The following USP35 variants were observed in gnomAD, a reference collection of about 807,000 sequenced individuals.
USP35 encodes the protein ubiquitin specific peptidase 35, also known as ubiquitin carboxyl-terminal hydrolase 35.
In USP35, 69 loss-of-function variants were observed where a neutral mutation model predicts 83.8. The ratio of observed to expected loss-of-function variants is 0.82; its 90% CI spans 0.68 to 1.01. The LOEUF (loss-of-function observed/expected upper bound fraction) is 1.01, where lower values mean the gene tolerates loss of function less well. Among genes scored for constraint, USP35 ranks in the 50% least tolerant of loss-of-function variants. The probability of loss-of-function intolerance (pLI) is 0.00; values close to 1 mark genes in which losing one functional copy is unlikely to be tolerated. For synonymous variants in USP35, 714 were observed against 589.5 expected (o/e 1.21, Z -3.06); for missense variants, 1,503 against 1,362.5 (o/e 1.10, Z -1.62).
intron 8 of USP35, 71 bp downstream of exon 8, chr11:78,207,694 C>G: frequency 1.4e-6 from 2 of 1,475,246 alleles, no homozygotes; most frequent in Non-Finnish European, 1.9e-6. Flanking sequence ...ACACCTTTCC[C>G]TTCCCCAGGA....
At position 78,210,698 on chromosome 11, in the gene USP35, A is replaced by T; in HGVS notation, c.2843A>T (p.Lys948Met). ...SRVRTEPTLH[K>M]DLMEAISKDN... ...GTCCGGACAGAGCCCACCCTGCACA[A>T]GGACTTGATGGAAGCCATTTCCAAA... Residue 948 changes from lysine to methionine, a missense_variant, in exon 10 of 11, where the codon AAG becomes ATG. Transcript: ENST00000529308. 6 of 1,589,800 alleles carry T rather than the reference A, an allele frequency of 3.8e-6. No homozygotes were observed. The highest frequency in any genetic ancestry group is 5.1e-6 in the Non-Finnish European group (6 of 1,165,976).
intron 10 of USP35, among the ~76,000 whole-genome samples, chr11:78,212,104 T>C (rs1353592314): frequency 3.9e-5 from 6 of 152,146 alleles, no homozygotes; most frequent in Non-Finnish European, 1.5e-5. Context: ...ATCCATCGAG[T>C]GAATTTTTTG....
the USP35 span, among the ~76,000 whole-genome samples, chr11:78,220,942 G>A: frequency 6.6e-6 from 1 of 152,188 alleles, no homozygotes; most frequent in African/African-American, 2.4e-5. Context: ...CTGTGGCCTA[G>A]AGTGGGGTAG....
chr11:78,231,411 C>CA, the USP35 span, among the ~76,000 whole-genome samples: 1 of 151,514 alleles, frequency 6.6e-6, no homozygotes, highest in African/African-American at 2.4e-5. Context: ...TGCAGTGATG[C>CA]AATCTTGGCT....
rs544463027 is a variant in USP35 at position 78,190,064 on chromosome 11, C to T, written c.-11+907C>T. Among the ~76,000 whole-genome samples, 4 of 152,102 alleles carry T rather than the reference C, an allele frequency of 2.6e-5. No individual in the cohort carries two copies. The East Asian group carries it at 7.8e-4, about 30-fold the overall frequency. On this transcript the variant is annotated intron_variant, in intron 1 of 10. Transcript: ENST00000529308. ...GGAGTCAAAGGAGGGAGGCTGGCTT[C>T]GAGGGTCAGAGAGGGGAGGAAATGT...
chr11:78,200,189 G>T lies in USP35; in HGVS notation c.993G>T (p.Lys331Asn), dbSNP rs369905425. The T allele has an allele frequency of 5.0e-6, 8 of 1,614,106 alleles. No homozygotes were observed. The highest frequency in any genetic ancestry group is 1.7e-5 in the Admixed American group (1 of 60,018). ...GGGGAGCTGCCTTGTCTGTGCTCAA[G>T]TACATGCTCCTGACCTTCCAGCACT... The part of the protein sequence containing the change: ...IVRGAALSVL[K>N]YMLLTFQHSH... Residue 331 changes from lysine (K) to asparagine (N), a missense_variant, in exon 5 of 11, where the codon AAG becomes AAT. Coordinates refer to ENST00000529308, the MANE Select transcript of USP35 (RefSeq NM_020798.4).
the USP35 span, among the ~76,000 whole-genome samples, chr11:78,230,427 C>A: frequency 6.6e-6 from 1 of 152,244 alleles, no homozygotes; most frequent in Non-Finnish European, 1.5e-5. Flanking sequence ...CCACAAGAAG[C>A]CTTTTCACTC....
At chr11:78,202,914 C>A (rs1048388729) in intron 6 of USP35, among the ~76,000 whole-genome samples, 1 of 152,192 alleles carries the variant, frequency 6.6e-6, no homozygotes, top group Non-Finnish European at 1.5e-5. Flanking sequence ...TCCTTTTGAT[C>A]TTTGTGCCTA....
the USP35 span, among the ~76,000 whole-genome samples, chr11:78,230,107 CT>C: frequency 2.6e-5 from 4 of 152,336 alleles, no homozygotes; most frequent in African/African-American, 9.6e-5. Flanking sequence ...TAGGTTAATG[CT>C]TGTTGCATTA....
chr11:78,211,757 A>G (rs1863786766), intron 10 of USP35, among the ~76,000 whole-genome samples: 1 of 152,188 alleles, frequency 6.6e-6, no homozygotes, highest in Admixed American at 6.5e-5. Context: ...TCTTTTGAGA[A>G]GTGTCTGTTC....
the USP35 span, among the ~76,000 whole-genome samples, chr11:78,233,243 C>T: frequency 6.6e-6 from 1 of 152,044 alleles, no homozygotes; most frequent in South Asian, 2.1e-4. Flanking sequence ...CCATGTTGCC[C>T]GGGCTGGTCT....
At chr11:78,225,737 T>G in the USP35 span, among the ~76,000 whole-genome samples, 5 of 152,184 alleles carry the variant, frequency 3.3e-5, no homozygotes, top group Non-Finnish European at 7.3e-5. Context: ...GCACAATGAC[T>G]CTGCAACTCT....
the USP35 span, chr11:78,223,651 G>A: frequency 1.1e-5 from 17 of 1,606,196 alleles, no homozygotes; most frequent in South Asian, 3.3e-5. Flanking sequence ...GGTGCTGTCC[G>A]ATCGGCCCAC....
intron 6 of USP35, among the ~76,000 whole-genome samples, chr11:78,204,359 T>A (rs1863469989): frequency 6.6e-6 from 1 of 152,262 alleles, no homozygotes; most frequent in African/African-American, 2.4e-5. Flanking sequence ...TATGCCTTTG[T>A]AAATAAGTTC....
rs1308739830 is a variant in USP35 at position 78,214,545 on chromosome 11, A to AGGAAGCCT, written c.*734_*741dup. 6.7e-6 allele frequency: 1 copy of AGGAAGCCT among 149,764 alleles called. No individual in the cohort carries two copies. Among genetic ancestry groups the AGGAAGCCT allele is most frequent in the Non-Finnish European group, 1.5e-5 (1 of 67,922 alleles). 9.3% of individuals were successfully genotyped at this position (149,764 alleles called of 1,614,324 possible). ...TGTTCCTTGTGAAGTGTGGGCTCTT[A>AGGAAGCCT]GGAAGCCTGTGGGCTCCTCTGAGCA... On this transcript the variant is annotated 3_prime_UTR_variant, in exon 11 of 11. Coordinates refer to ENST00000529308, the MANE Select transcript of USP35 (RefSeq NM_020798.4).
chr11:78,209,173 T>C (rs1406397047), intron 9 of USP35, among the ~76,000 whole-genome samples: 2 of 152,202 alleles, frequency 1.3e-5, no homozygotes, highest in East Asian at 3.9e-4. Flanking sequence ...TGGGAGGTCA[T>C]TGTGTATGTC....
chr11:78,225,209 G>C, the USP35 span: 1 of 1,578,530 alleles, frequency 6.3e-7, no homozygotes, highest in Non-Finnish European at 8.7e-7. Context: ...GAAGCTGACA[G>C]AGGAAGGAGG....
chr11:78,196,373 C>T lies in USP35; in HGVS notation c.128C>T (p.Ala43Val), dbSNP rs748799427. ...LEREQCLALL[A>V]LGARLYVGGA... ...CGTGAGCAGTGCCTGGCGCTGCTGG[C>T]GCTGGGCGCGCGCCTCTACGTGGGC... The change falls in exon 2 of 11, where the codon GCG becomes GTG. Residue 43 changes from alanine to valine, a missense_variant. Ala to Val is a moderately conservative substitution (Grantham distance 64). Transcript: ENST00000529308. This position sits in a 1 kb window ranked among gnomAD's most constrained non-coding sequence, Gnocchi z 4.8. The T allele has an allele frequency of 7.3e-6, 11 of 1,509,138 alleles. No homozygotes were observed. The highest frequency in any genetic ancestry group is 5.2e-5 in the East Asian group (2 of 38,132). 93.5% of individuals were successfully genotyped at this position (1,509,138 alleles called of 1,614,324 possible). A position where few individuals can be genotyped will look rare whatever the true frequency, so the allele number is the denominator to read the frequency against.
rs949677547 is a variant in USP35 at position 78,200,251 on chromosome 11, G to A, written c.1038+17G>A. 3.1e-6 allele frequency: 5 copies of A among 1,612,634 alleles called. No individual in the cohort carries two copies. The highest frequency in any genetic ancestry group is 1.3e-5 in the African/African-American group (1 of 74,810). Reference sequence around the variant, plus strand: ...TTCCACCTGGTAAGGTCCCCTGCCTGCTGCCCCTGGTGAGGCCCCTGCCTG... The same window carrying A: ...TTCCACCTGGTAAGGTCCCCTGCCTACTGCCCCTGGTGAGGCCCCTGCCTG... On this transcript the variant is annotated intron_variant, in intron 5 of 10. Coordinates refer to ENST00000529308, the MANE Select transcript of USP35 (RefSeq NM_020798.4).
Sources: allele counts gnomAD v4.1 joint callset (sites outside exome capture counted in the v4.1 genomes callset), GRCh38; gene constraint gnomAD v4.1.1; non-coding constraint Gnocchi (gnomAD v3.1); transcripts MANE v1.5; gene names NCBI Gene and HGNC (gene_info 2026-07-23, HGNC 2026-07-21).